LRGUK: variants seen among roughly 807,000 people sequenced by gnomAD.
The protein encoded by LRGUK is leucine rich repeats and guanylate kinase domain containing.
A neutral mutation model predicts 76.0 loss-of-function variants in LRGUK; 65 were observed. The observed-to-expected ratio is 0.85, with a 90% confidence interval of 0.70 to 1.05. The LOEUF (loss-of-function observed/expected upper bound fraction) is 1.05. LRGUK is among the 50% of genes least tolerant of loss of function. The pLI is 0.00. For missense variants in LRGUK, 758 were observed against 732.8 expected, an observed-to-expected ratio of 1.03 and a Z score of -0.40; for synonymous variants, 268 against 265.6, an observed-to-expected ratio of 1.01 and a Z score of -0.09.
At chr7:134,180,256 A>G (rs1480009917) in intron 10 of LRGUK, among the ~76,000 whole-genome samples, 1 of 151,732 alleles carries the variant, frequency 6.6e-6, no homozygotes, top group Non-Finnish European at 1.5e-5. Flanking sequence ...TAGTGGAAAG[A>G]GCTAAGAATG....
At chr7:134,268,717 C>CTTTTTTTTTTT (rs71531815), downstream of LRGUK, among the ~76,000 whole-genome samples, 4 of 57,350 alleles carry the variant, frequency 7.0e-5, no homozygotes, top group African/African-American at 1.4e-4. Flanking sequence ...TGCAAAAAAT[C>CTTTTTTTTTTT]TTTTTTTTTT....
chr7:134,225,136 A>AC (rs1225771393), intron 16 of LRGUK, among the ~76,000 whole-genome samples: 2 of 150,778 alleles, frequency 1.3e-5, no homozygotes, highest in South Asian at 2.1e-4. Context: ...AAAAAAAAAA[A>AC]AAAAAAAAAA....
chr7:134,205,795 A>G (rs1563182174), intron 15 of LRGUK, among the ~76,000 whole-genome samples: 2 of 152,220 alleles, frequency 1.3e-5, no homozygotes, highest in African/African-American at 2.4e-5. Flanking sequence ...ATGGTGCACT[A>G]TTAGAATCCG....
At chr7:134,255,684 T>C (rs1233214356) in intron 18 of LRGUK, among the ~76,000 whole-genome samples, 2 of 152,224 alleles carry the variant, frequency 1.3e-5, no homozygotes, top group African/African-American at 4.8e-5. Flanking sequence ...AAAGAAAAAT[T>C]ATTAAACTTT....
intron 18 of LRGUK, among the ~76,000 whole-genome samples, chr7:134,257,376 C>A (rs1203921677): frequency 1.3e-5 from 2 of 152,134 alleles, no homozygotes; most frequent in Non-Finnish European, 2.9e-5. Flanking sequence ...GGATGAGCTC[C>A]CCTGGTAGAG....
intron 15 of LRGUK, among the ~76,000 whole-genome samples, chr7:134,208,010 G>A (rs1563183280): frequency 6.6e-6 from 1 of 152,194 alleles, no homozygotes; most frequent in Non-Finnish European, 1.5e-5. Context: ...ATTGCTAGTG[G>A]CCTCTGAGAG....
chr7:134,137,321 C>A (rs955142575), intron 2 of LRGUK, among the ~76,000 whole-genome samples, 191 bp downstream of exon 2: 3 of 152,046 alleles, frequency 2.0e-5, no homozygotes, highest in Non-Finnish European at 4.4e-5. Flanking sequence ...AGTAATCAGC[C>A]CCCCAAATTT....
At chr7:134,269,972 A>G in the LRGUK span, among the ~76,000 whole-genome samples, 1 of 152,210 alleles carries the variant, frequency 6.6e-6, no homozygotes, top group South Asian at 2.1e-4. Context: ...GCTACAAAAT[A>G]CCTACAGTTA....
At chr7:134,232,327 G>A (rs1460814511) in intron 16 of LRGUK, among the ~76,000 whole-genome samples, 1 of 151,614 alleles carries the variant, frequency 6.6e-6, no homozygotes, top group Non-Finnish European at 1.5e-5. Context: ...CATCCAGGCT[G>A]GAGTGCAATG....
chr7:134,276,315 A>G, the LRGUK span, among the ~76,000 whole-genome samples: 4 of 152,234 alleles, frequency 2.6e-5, no homozygotes, highest in African/African-American at 9.6e-5. Flanking sequence ...AGGCACTATT[A>G]TAGAATGATT....
chr7:134,154,565 G>C (rs1798380682), intron 5 of LRGUK, among the ~76,000 whole-genome samples: 1 of 152,218 alleles, frequency 6.6e-6, no homozygotes, highest in African/African-American at 2.4e-5. Flanking sequence ...GATTAATTTA[G>C]AGTGTCTGAA....
intron 15 of LRGUK, among the ~76,000 whole-genome samples, chr7:134,204,206 G>A (rs1800909420): frequency 6.6e-6 from 1 of 152,176 alleles, no homozygotes; most frequent in Non-Finnish European, 1.5e-5. Flanking sequence ...GTCCGTCTCT[G>A]TATCTTTTCT....
chr7:134,150,263 C>T (rs765246773), intron 5 of LRGUK, among the ~76,000 whole-genome samples: 39 of 146,034 alleles, frequency 2.7e-4, no homozygotes, highest in African/African-American at 8.7e-4. Flanking sequence ...CTACAGAGCC[C>T]GAGACTCTGT....
intron 16 of LRGUK, among the ~76,000 whole-genome samples, chr7:134,245,976 A>G (rs1044818285): frequency 1.3e-5 from 2 of 152,144 alleles, no homozygotes; most frequent in South Asian, 2.1e-4. Flanking sequence ...GACTTTCCCA[A>G]TACAATTTTC....
At position 134,258,452 on chromosome 7, in the gene LRGUK, C is replaced by T. The variant is rs765207340; in HGVS notation, c.2347+47C>T. 3.8e-6 allele frequency: 6 copies of T among 1,559,944 alleles called. No homozygotes were observed. In the East Asian group the frequency reaches 6.8e-5, roughly 18 times the overall value. Reference sequence around the variant, plus strand: ...GTGGCTCATGCCTGTAATCCCAGCACTTTGGGAGGCCGAGGCGAATGGATC... The same window carrying T: ...GTGGCTCATGCCTGTAATCCCAGCATTTTGGGAGGCCGAGGCGAATGGATC... On this transcript the variant is annotated intron_variant, in intron 19 of 19. Coordinates refer to the LRGUK transcript ENST00000285928.
chr7:134,260,831 C>A (rs1055050817), intron 19 of LRGUK, among the ~76,000 whole-genome samples: 2 of 152,150 alleles, frequency 1.3e-5, no homozygotes, highest in African/African-American at 4.8e-5. Flanking sequence ...AGTTAGATGA[C>A]ACAGAGACCA....
intron 16 of LRGUK, among the ~76,000 whole-genome samples, chr7:134,231,278 A>G (rs371555246): frequency 1.3e-5 from 2 of 152,266 alleles, no homozygotes; most frequent in East Asian, 1.9e-4. Flanking sequence ...GTGGCCATGT[A>G]AGAAAGTAGT....
exon 16 of LRGUK, chr7:134,210,200 A>T (rs1425817816): frequency 2.5e-6 from 1 of 399,140 alleles, no homozygotes; most frequent in Non-Finnish European, 4.4e-6. Context: ...GCCAGCTCCC[A>T]CCATGGTGCC....
downstream of LRGUK, among the ~76,000 whole-genome samples, chr7:134,266,248 AT>A (rs1469209213): frequency 1.4e-5 from 2 of 148,090 alleles, no homozygotes; most frequent in African/African-American, 5.3e-5. Context: ...CATATCAAGA[AT>A]TAGGAAAATG....
Sources: allele counts gnomAD v4.1 joint callset (sites outside exome capture counted in the v4.1 genomes callset), GRCh38; gene constraint gnomAD v4.1.1; transcripts MANE v1.5; gene names NCBI Gene and HGNC (gene_info 2026-07-23, HGNC 2026-07-21).